The following CYLC2 variants were observed in gnomAD, a reference collection of about 807,000 sequenced individuals.
CYLC2 encodes the protein cylicin 2, also known as cylicin-2.
CYLC2 carries 30 observed loss-of-function variants against 26.1 expected under a neutral mutation model. The ratio of observed to expected loss-of-function variants is 1.15; its 90% CI spans 0.86 to 1.56. The LOEUF is 1.56. Ranked by LOEUF, CYLC2 falls within the 40% of genes most tolerant of loss-of-function variation. The pLI is 0.00. For synonymous variants in CYLC2, 158 were observed against 132.8 expected, an observed-to-expected ratio of 1.19 and a Z score of -1.31; for missense variants, 498 against 394.4, an observed-to-expected ratio of 1.26 and a Z score of -2.23.
chr9:103,018,277 G>A (rs747105487), intron 7 of CYLC2, 48 bp from the exon 8 acceptor site: 3 of 151,838 alleles, frequency 2.0e-5, no homozygotes, highest in Admixed American at 1.3e-4. Flanking sequence ...CACTGCTTCT[G>A]GGAGAAGGTT....
chr9:102,996,383 G>A (rs1214883854), intron 1 of CYLC2, among the ~76,000 whole-genome samples: 1 of 151,828 alleles, frequency 6.6e-6, no homozygotes, highest in African/African-American at 2.4e-5. Flanking sequence ...GTTATCATGA[G>A]CATCAAATAG....
At chr9:103,015,117 GTATAT>G (rs2118275402) in intron 6 of CYLC2, among the ~76,000 whole-genome samples, 1 of 24,288 alleles carries the variant, frequency 4.1e-5, no homozygotes, top group South Asian at 1.7e-3. Flanking sequence ...TACATAACAT[GTATAT>G]CACGTGATAT....
At chr9:103,014,233 ATATG>A (rs1024588278) in intron 6 of CYLC2, among the ~76,000 whole-genome samples, 7 of 124,044 alleles carry the variant, frequency 5.6e-5, no homozygotes, top group African/African-American at 1.3e-4. Context: ...TATATAATAT[ATATG>A]TATGTAATAT....
intron 3 of CYLC2, among the ~76,000 whole-genome samples, chr9:103,004,168 A>G (rs943929183): frequency 1.3e-5 from 2 of 152,092 alleles, no homozygotes; most frequent in African/African-American, 4.8e-5. Flanking sequence ...TCATTATTTC[A>G]GTTACCAATC....
intron 6 of CYLC2, among the ~76,000 whole-genome samples, chr9:103,016,176 A>C (rs1829504134): frequency 6.6e-6 from 1 of 151,826 alleles, no homozygotes; most frequent in Non-Finnish European, 1.5e-5. Context: ...AAAATGAGTT[A>C]TTTTCTAATG....
chr9:103,014,897 CATAAT>C (rs961016979), intron 6 of CYLC2, among the ~76,000 whole-genome samples: 1 of 133,770 alleles, frequency 7.5e-6, no homozygotes, highest in East Asian at 2.2e-4. Flanking sequence ...ATGTAATATA[CATAAT>C]ATATGTAATA....
rs1587850672 is a variant in CYLC2 at position 103,001,599 on chromosome 9, A to G, written c.39A>G (p.Pro13=). 9 of 1,560,210 alleles carry G rather than the reference A, an allele frequency of 5.8e-6. No individual in the cohort carries two copies. The East Asian group carries it at 2.0e-4, about 35-fold the overall frequency. ...ATAGCCAAAGAGTAAACTTTGGGCC[A>G]TATGATAATTACATTCCAGGTAAGA... The part of the protein sequence containing the change: ...LPRFQRVNFG[P]YDNYIPVSEL... Residue 13 remains proline (P), a synonymous_variant, in exon 2 of 8, where the codon CCA becomes CCG. Transcript: ENST00000374798.
chr9:103,014,314 G>C (rs1280375299), intron 6 of CYLC2, among the ~76,000 whole-genome samples: 2 of 129,954 alleles, frequency 1.5e-5, no homozygotes, highest in Non-Finnish European at 3.1e-5. Context: ...ATATTACATT[G>C]TATATATTAC....
chr9:102,996,853 T>C (rs570810085), intron 1 of CYLC2, among the ~76,000 whole-genome samples: 2 of 152,100 alleles, frequency 1.3e-5, no homozygotes, highest in South Asian at 4.1e-4. Context: ...CATTTAATAG[T>C]TTCATCACTT....
In CYLC2 at chr9:103,001,629, A is replaced by T; in HGVS notation, c.58+11A>T. The T allele has an allele frequency of 2.6e-6, 4 of 1,537,204 alleles. No individual in the cohort carries two copies. The highest frequency in any genetic ancestry group is 1.4e-5 in the African/African-American group (1 of 73,480). ...ATAATTACATTCCAGGTAAGAAAGC[A>T]TTCAATATTTATTACAAAACAGGTG... On this transcript the variant is annotated intron_variant, in intron 2 of 7. Transcript: ENST00000374798.
chr9:103,017,191 A>G (rs1829516023), intron 7 of CYLC2, among the ~76,000 whole-genome samples: 1 of 151,968 alleles, frequency 6.6e-6, no homozygotes, highest in Non-Finnish European at 1.5e-5. Context: ...GGGATTTCAA[A>G]AGGGGATTTA....
At chr9:102,997,378 G>A (rs1261164105) in intron 1 of CYLC2, among the ~76,000 whole-genome samples, 3 of 151,924 alleles carry the variant, frequency 2.0e-5, no homozygotes, top group South Asian at 4.1e-4. Flanking sequence ...TGGGTGAGGA[G>A]TTCGAAATAA....
chr9:102,998,674 G>A (rs1039922415), intron 1 of CYLC2, among the ~76,000 whole-genome samples: 1 of 151,856 alleles, frequency 6.6e-6, no homozygotes, highest in Non-Finnish European at 1.5e-5. Context: ...AGGTTAAAAT[G>A]TATTGAACTG....
intron 6 of CYLC2, among the ~76,000 whole-genome samples, chr9:103,013,243 T>A (rs1446080563): frequency 1.8e-5 from 2 of 110,860 alleles, no homozygotes; most frequent in Non-Finnish European, 3.4e-5. Flanking sequence ...ATATAACATG[T>A]AAATATATAT....
intron 6 of CYLC2, 135 bp downstream of exon 6, chr9:103,012,232 A>T (rs1317408593): frequency 6.6e-6 from 1 of 152,428 alleles, no homozygotes; most frequent in East Asian, 1.9e-4. Flanking sequence ...AAGTGCTGGG[A>T]TTACAGGCGT....
At chr9:102,997,181 G>GTTGGAATAGAGGAT (rs763811665) in intron 1 of CYLC2, among the ~76,000 whole-genome samples, 4 of 151,816 alleles carry the variant, frequency 2.6e-5, no homozygotes, top group Admixed American at 6.6e-5. Context: ...AAAACTTTTT[G>GTTGGAATAGAGGAT]TTGGAATAGA....
At chr9:102,996,649 T>G (rs1312967710) in intron 1 of CYLC2, among the ~76,000 whole-genome samples, 1 of 151,988 alleles carries the variant, frequency 6.6e-6, no homozygotes, top group Non-Finnish European at 1.5e-5. Context: ...TGCAGAAAAT[T>G]AATTTTCGAC....
intron 1 of CYLC2, among the ~76,000 whole-genome samples, chr9:102,998,739 C>CA (rs543237884): frequency 6.3e-4 from 96 of 151,968 alleles, no homozygotes; most frequent in African/African-American, 2.3e-3. Flanking sequence ...TTTGATCACA[C>CA]AAAAAAGATA....
At chr9:102,999,177 A>G (rs1392870813) in intron 1 of CYLC2, among the ~76,000 whole-genome samples, 1 of 151,732 alleles carries the variant, frequency 6.6e-6, no homozygotes, top group Non-Finnish European at 1.5e-5. Context: ...ATGTATTTTA[A>G]TAACTTGTTT....
Sources: gnomAD v4.1 joint callset for allele counts (sites outside exome capture counted in the v4.1 genomes callset) on GRCh38, gnomAD v4.1.1 for gene constraint, MANE v1.5 for transcripts, NCBI Gene and HGNC (gene_info 2026-07-23, HGNC 2026-07-21) for gene names.